EFHD1: variants seen among roughly 807,000 people sequenced by gnomAD.
The protein encoded by EFHD1 is EF-hand domain family member D1, also known as EF-hand domain-containing protein D1.
EFHD1 carries 10 observed loss-of-function variants against 17.2 expected under a neutral mutation model. That is an observed-to-expected ratio of 0.58 (90% confidence interval 0.36 to 0.99). The LOEUF (loss-of-function observed/expected upper bound fraction) is 0.99, where lower values mean the gene tolerates loss of function less well. EFHD1 is among the 50% of genes least tolerant of loss of function. EFHD1 has a pLI of 0.01. For missense variants in EFHD1, 310 were observed against 327.5 expected, an observed-to-expected ratio of 0.95 and a Z score of 0.41; for synonymous variants, 153 against 142.0, an observed-to-expected ratio of 1.08 and a Z score of -0.55.
At chr2:232,672,158 C>A in intron 2 of EFHD1, 151 bp from the exon 3 acceptor site, 4 of 1,037,462 alleles carry the variant, frequency 3.9e-6, no homozygotes, top group Non-Finnish European at 4.3e-6. Flanking sequence ...TCATTTTTGA[C>A]AATCTGATGA....
At chr2:232,628,519 C>A (rs1354704615) in intron 1 of EFHD1, among the ~76,000 whole-genome samples, 8 of 152,190 alleles carry the variant, frequency 5.3e-5, no homozygotes. Context: ...TGGGGTTTTG[C>A]TCTTCCCTTT....
chr2:232,659,946 C>T (rs1419659043), intron 1 of EFHD1, among the ~76,000 whole-genome samples: 1 of 152,018 alleles, frequency 6.6e-6, no homozygotes, highest in Admixed American at 6.6e-5. Flanking sequence ...TTTTGAACAA[C>T]CAGGTCTTGC....
Position 232,663,448 on chromosome 2 carries a change from C to T in EFHD1, c.450+499C>T, listed in dbSNP as rs186090944. Among the ~76,000 whole-genome samples the T allele has an allele frequency of 5.9e-5, 9 of 151,640 alleles. No individual in the cohort carries two copies. In the South Asian group the frequency reaches 1.3e-3, roughly 21 times the overall value. ...GTGCAATGGTGTGATCTCAGCCCAC[C>T]GCAACCTCCACCTCCTGAGTTCAGG... On this transcript the variant is annotated intron_variant, in intron 2 of 3. Transcript: ENST00000264059.
At chr2:232,652,488 T>A (rs182305057) in intron 1 of EFHD1, among the ~76,000 whole-genome samples, 14 of 152,190 alleles carry the variant, frequency 9.2e-5, no homozygotes, top group Admixed American at 7.9e-4. Context: ...ATTCACTTAC[T>A]TCAGTTTTCA....
chr2:232,622,455 G>A (rs560034821), intron 1 of EFHD1, among the ~76,000 whole-genome samples: 1 of 142,072 alleles, frequency 7.0e-6, no homozygotes, highest in Non-Finnish European at 1.5e-5. Flanking sequence ...GGCAATGAGA[G>A]CAAAGCTCCG....
At chr2:232,648,853 T>C (rs1694582963) in intron 1 of EFHD1, among the ~76,000 whole-genome samples, 1 of 152,134 alleles carries the variant, frequency 6.6e-6, no homozygotes, top group Non-Finnish European at 1.5e-5. Context: ...TGATTTCTAT[T>C]CCAAGCCTTT....
At chr2:232,642,221 A>G (rs970406036) in intron 1 of EFHD1, among the ~76,000 whole-genome samples, 5 of 151,984 alleles carry the variant, frequency 3.3e-5, no homozygotes, top group Non-Finnish European at 7.4e-5. Flanking sequence ...CGTCTCTACT[A>G]AAAATACAAA....
chr2:232,611,323 CG>C (rs1693813409), intron 1 of EFHD1, among the ~76,000 whole-genome samples: 1 of 151,768 alleles, frequency 6.6e-6, no homozygotes, highest in Non-Finnish European at 1.5e-5. Context: ...GGGGGCATCC[CG>C]ATTAGAAAAT....
chr2:232,666,172 C>G (rs780664730), intron 2 of EFHD1, among the ~76,000 whole-genome samples: 1 of 152,204 alleles, frequency 6.6e-6, no homozygotes, highest in African/African-American at 2.4e-5. Context: ...ACCTGAGATA[C>G]GATTCACAGG....
At chr2:232,611,316 G>T (rs1305405661) in intron 1 of EFHD1, among the ~76,000 whole-genome samples, 7 of 137,616 alleles carry the variant, frequency 5.1e-5, no homozygotes, top group Non-Finnish European at 1.1e-4. Context: ...TCGGGGGGGG[G>T]GCATCCCGAT....
At chr2:232,634,100 G>A in intron 1 of EFHD1, 94 bp downstream of exon 1, 1 of 1,515,886 alleles carries the variant, frequency 6.6e-7, no homozygotes, top group Non-Finnish European at 8.8e-7. Context: ...TGTGTGGGGA[G>A]GGGTCCCGGG....
intron 3 of EFHD1, among the ~76,000 whole-genome samples, chr2:232,678,435 A>G (rs1490097323): frequency 6.6e-6 from 1 of 152,218 alleles, no homozygotes; most frequent in Non-Finnish European, 1.5e-5. Context: ...GTAAAGTTTA[A>G]TACCCATTCA....
At position 232,606,406 on chromosome 2, in the gene EFHD1, A is replaced by C. The variant is rs1254789067; in HGVS notation, c.14+233A>C. On this transcript the variant is annotated intron_variant, in intron 1 of 3. Transcript: ENST00000409613. ...AGAATCTAAACTCGAAACTCTTGAG[A>C]GACACCCCAGCCTGCAGCAATCCCA... 5.3e-5 allele frequency among the ~76,000 whole-genome samples: 8 copies of C among 152,082 alleles called. No homozygotes were observed. In the East Asian group the frequency reaches 9.7e-4, roughly 18 times the overall value.
chr2:232,660,438 G>C (rs1330094269), intron 1 of EFHD1, among the ~76,000 whole-genome samples: 2 of 151,570 alleles, frequency 1.3e-5, no homozygotes, highest in Admixed American at 6.6e-5. Context: ...CTGACCTCGT[G>C]ATCCACCCGC....
intron 3 of EFHD1, among the ~76,000 whole-genome samples, chr2:232,675,189 G>A (rs7604718): frequency 1.1e-3 from 80 of 70,812 alleles, no homozygotes; most frequent in Non-Finnish European, 1.6e-3. Flanking sequence ...AGAAAAAAAA[G>A]AGAGAGAGAA....
rs1394341180 is a variant in EFHD1 at position 232,634,018 on chromosome 2, C to T, written c.302+12C>T. On this transcript the variant is annotated intron_variant, in intron 1 of 3. Coordinates refer to ENST00000264059, the MANE Select transcript of EFHD1 (RefSeq NM_025202.4). ...AGCATGTTCAAACTGTGAGCTCCCG[C>T]TGCGCGCCCTTCGCCCCCGGGACCA... 1 of 1,596,856 alleles carries T rather than the reference C, an allele frequency of 6.3e-7. No individual in the cohort carries two copies. The highest frequency in any genetic ancestry group is 1.1e-5 in the South Asian group (1 of 91,020).
chr2:232,641,580 G>T (rs1694432683), intron 1 of EFHD1, among the ~76,000 whole-genome samples: 1 of 152,168 alleles, frequency 6.6e-6, no homozygotes, highest in Non-Finnish European at 1.5e-5. Context: ...GGGCCCTAAG[G>T]TTTCTGTTGT....
At position 232,622,453 on chromosome 2, in the gene EFHD1, G is replaced by C. The variant is rs1017317249; in HGVS notation, c.14+16280G>C. On this transcript the variant is annotated intron_variant, in intron 1 of 3. Coordinates refer to the EFHD1 transcript ENST00000409613. ...CACTGCACTCCAGCCTGGGCAATGA[G>C]AGCAAAGCTCCGTTTCGCTGGGGGC... 1.0e-4 allele frequency among the ~76,000 whole-genome samples: 15 copies of C among 143,900 alleles called. No individual in the cohort carries two copies. In the Admixed American group the frequency reaches 1.1e-3, roughly 10 times the overall value. 94.4% of individuals were successfully genotyped at this position (143,900 alleles called of 152,430 possible).
intron 1 of EFHD1, among the ~76,000 whole-genome samples, chr2:232,662,377 T>A (rs1274463017): frequency 6.6e-6 from 1 of 152,006 alleles, no homozygotes; most frequent in Non-Finnish European, 1.5e-5. Flanking sequence ...CCAGGGGCAG[T>A]GACCAGGAGG....
Sources: gnomAD v4.1 joint callset for allele counts (sites outside exome capture counted in the v4.1 genomes callset) on GRCh38, gnomAD v4.1.1 for gene constraint, MANE v1.5 for transcripts, NCBI Gene and HGNC (gene_info 2026-07-23, HGNC 2026-07-21) for gene names.